The following GALNT11 variants were observed in gnomAD, a reference collection of about 807,000 sequenced individuals.
GALNT11 encodes the protein UDP-GalNAc:polypeptide N-acetylgalactosaminyltransferase 11.
Under a neutral mutation model 72.7 loss-of-function variants are expected in GALNT11, and 47 were observed. The ratio of observed to expected loss-of-function variants is 0.65; its 90% CI spans 0.51 to 0.82. The LOEUF (loss-of-function observed/expected upper bound fraction) is 0.82, where lower values mean the gene tolerates loss of function less well. GALNT11 is among the 40% of genes least tolerant of loss of function. The pLI is 0.00. For missense variants in GALNT11, 677 were observed against 778.4 expected (o/e 0.87, Z 1.55); for synonymous variants, 270 against 286.6 (o/e 0.94, Z 0.58).
intron 1 of GALNT11, among the ~76,000 whole-genome samples, chr7:152,032,563 G>A (rs1315262435): frequency 1.3e-5 from 2 of 152,202 alleles, no homozygotes; most frequent in East Asian, 3.9e-4. Context: ...TCTTTACTAA[G>A]CCTTGAGCTT....
chr7:152,027,066 G>A (rs538380749), intron 1 of GALNT11, among the ~76,000 whole-genome samples: 3 of 152,264 alleles, frequency 2.0e-5, no homozygotes, highest in Admixed American at 1.3e-4. Flanking sequence ...TGGCTAACAC[G>A]GTGAAATCCC....
chr7:152,031,331 T>C (rs2082295181), intron 1 of GALNT11, among the ~76,000 whole-genome samples: 1 of 152,196 alleles, frequency 6.6e-6, no homozygotes, highest in Non-Finnish European at 1.5e-5. Flanking sequence ...GGACTATAAT[T>C]TGTTGGCAGT....
chr7:152,055,830 G>A (rs1443210706), intron 1 of GALNT11, among the ~76,000 whole-genome samples: 1 of 151,976 alleles, frequency 6.6e-6, no homozygotes, highest in African/African-American at 2.4e-5. Flanking sequence ...ATTTTGTTTT[G>A]TGATAATTGT....
Position 152,113,418 on chromosome 7 carries a change from TTAGAAGGATGAATGA to T in GALNT11, c.1233+24_1233+38del. ...TACAAGGTGAGATGAAATTTCTTGT[TTAGAAGGATGAATGA>T]TAGGCCGGCAGTGACTGGCCTAGTG... On this transcript the variant is annotated intron_variant, in intron 8 of 11. Coordinates refer to ENST00000430044, the MANE Select transcript of GALNT11 (RefSeq NM_022087.4). 6.2e-7 allele frequency: 1 copy of T among 1,612,060 alleles called. No individual in the cohort carries two copies. Among genetic ancestry groups the T allele is most frequent in the Non-Finnish European group, 8.5e-7 (1 of 1,179,008 alleles).
At chr7:152,069,958 A>G (rs897094129) in intron 1 of GALNT11, among the ~76,000 whole-genome samples, 1 of 147,960 alleles carries the variant, frequency 6.8e-6, no homozygotes, top group Non-Finnish European at 1.5e-5. Flanking sequence ...ACTGTTTTGC[A>G]CTCATTGCTT....
At chr7:152,049,843 C>T (rs547117800) in intron 1 of GALNT11, among the ~76,000 whole-genome samples, 1 of 152,192 alleles carries the variant, frequency 6.6e-6, no homozygotes, top group Admixed American at 6.5e-5. Flanking sequence ...CTTCCCAGTC[C>T]TCCCTCCCTT....
intron 1 of GALNT11, among the ~76,000 whole-genome samples, chr7:152,065,353 T>G (rs1473269236): frequency 6.6e-6 from 1 of 152,290 alleles, no homozygotes; most frequent in East Asian, 1.9e-4. Context: ...TTGTCTAATC[T>G]TTTTTCAAGG....
chr7:152,097,599 CA>C (rs2086475245), intron 2 of GALNT11, among the ~76,000 whole-genome samples: 1 of 152,172 alleles, frequency 6.6e-6, no homozygotes, highest in Non-Finnish European at 1.5e-5. Context: ...ACATGTTATC[CA>C]AATATCCATC....
chr7:152,085,044 C>T (rs982924393), intron 1 of GALNT11, among the ~76,000 whole-genome samples: 11 of 152,214 alleles, frequency 7.2e-5, no homozygotes, highest in African/African-American at 2.4e-4. Flanking sequence ...TTTGGCCACA[C>T]CAGGTCCTCT....
In GALNT11 at chr7:152,105,278, A is replaced by G. The variant is rs2087409105; in HGVS notation, c.620A>G (p.Gln207Arg). 7.4e-6 allele frequency: 12 copies of G among 1,613,778 alleles called. No homozygotes were observed. The Admixed American group carries it at 1.2e-4, about 16-fold the overall frequency. Residue 207 changes from glutamine to arginine, a missense_variant, in exon 5 of 12, where the codon CAA becomes CGA. Coordinates refer to ENST00000430044, the MANE Select transcript of GALNT11 (RefSeq NM_022087.4). ...DLKGELDEYV[Q>R]KYLPGKIKVI... ...AAAGGAGAACTAGATGAATATGTCC[A>G]AAAATACCTCCCTGGAAAAATTAAA...
chr7:152,063,019 G>A (rs2084104990), intron 1 of GALNT11, among the ~76,000 whole-genome samples: 1 of 152,172 alleles, frequency 6.6e-6, no homozygotes, highest in Admixed American at 6.5e-5. Context: ...TCTATTGATA[G>A]GAATAGTTTC....
chr7:152,110,857 A>G (rs370638092), intron 7 of GALNT11, among the ~76,000 whole-genome samples: 14 of 149,876 alleles, frequency 9.3e-5, no homozygotes, highest in East Asian at 4.1e-4. Context: ...CAGCCTCCTG[A>G]TTAGCTGGGA....
chr7:152,116,531 G>T (rs902876302), intron 8 of GALNT11, among the ~76,000 whole-genome samples: 1 of 152,172 alleles, frequency 6.6e-6, no homozygotes, highest in African/African-American at 2.4e-5. Flanking sequence ...GAGCCACTGC[G>T]CCTGGCCGAT....
intron 1 of GALNT11, among the ~76,000 whole-genome samples, chr7:152,026,971 C>T (rs1045524833): frequency 1.3e-5 from 2 of 152,184 alleles, no homozygotes; most frequent in East Asian, 1.9e-4. Flanking sequence ...TTTTATTAGC[C>T]GGGTGCGGTG....
rs1167270202 is a variant in GALNT11 at position 152,117,242 on chromosome 7, G to A, written c.1319G>A (p.Gly440Asp). 1 of 1,614,024 alleles carries A rather than the reference G, an allele frequency of 6.2e-7. No homozygotes were observed. Among genetic ancestry groups the A allele is most frequent in the Admixed American group, 1.7e-5 (1 of 60,002 alleles). The change falls in exon 9 of 12, where the codon GGC (glycine) becomes GAC (aspartate). Residue 440 changes from glycine to aspartate, a missense_variant. Gly to Asp is a moderately conservative substitution (Grantham distance 94). Coordinates refer to ENST00000430044, the MANE Select transcript of GALNT11 (RefSeq NM_022087.4). ...CGTGTGGAACTGAGAAAGAAGTTGG[G>A]CTGTAAATCATTTAAATGGTATTTG... is the stretch of plus-strand genomic sequence containing the variant. The part of the protein sequence containing the change: ...SERVELRKKL[G>D]CKSFKWYLDN...
chr7:152,100,373 C>G (rs1257969374), intron 2 of GALNT11, among the ~76,000 whole-genome samples: 2 of 151,984 alleles, frequency 1.3e-5, no homozygotes, highest in Admixed American at 1.3e-4. Context: ...CGAGACCATC[C>G]TGGCCAATAT....
intron 1 of GALNT11, among the ~76,000 whole-genome samples, chr7:152,085,891 T>C (rs953712116): frequency 1.4e-5 from 2 of 147,736 alleles, no homozygotes; most frequent in Non-Finnish European, 3.0e-5. Flanking sequence ...AGTTTTTGTT[T>C]TTTGTTTTTT....
chr7:152,088,890 G>T (rs2085823908), intron 1 of GALNT11, among the ~76,000 whole-genome samples: 1 of 152,094 alleles, frequency 6.6e-6, no homozygotes, highest in Non-Finnish European at 1.5e-5. Context: ...CTGTATTTAT[G>T]CCTCTTTCTC....
In GALNT11 at chr7:152,117,014, C is replaced by G. The variant is rs937606254; in HGVS notation, c.1234-143C>G. The G allele has an allele frequency of 3.9e-6, 3 of 762,652 alleles. No homozygotes were observed. The African/African-American group carries it at 5.2e-5, about 13-fold the overall frequency. The allele number at this position is 762,652 out of a possible 1,614,324, so 47.2% of individuals were successfully genotyped here. A position where few individuals can be genotyped will look rare whatever the true frequency, so the allele number is the denominator to read the frequency against. On this transcript the variant is annotated intron_variant, in intron 8 of 11. Transcript: ENST00000430044. Reference sequence around the variant, plus strand: ...ACTGATCTCATATATACGCCTGTTTCATTGATTCTCAGATACAGTTTAAGG... The same window carrying G: ...ACTGATCTCATATATACGCCTGTTTGATTGATTCTCAGATACAGTTTAAGG...
Sources: allele counts gnomAD v4.1 joint callset (sites outside exome capture counted in the v4.1 genomes callset), GRCh38; gene constraint gnomAD v4.1.1; transcripts MANE v1.5; gene names NCBI Gene and HGNC (gene_info 2026-07-23, HGNC 2026-07-21).